The following SLAIN1 variants were observed in gnomAD, a reference collection of about 807,000 sequenced individuals.
SLAIN1 encodes SLAIN motif-containing protein 1.
A neutral mutation model predicts 55.4 loss-of-function variants in SLAIN1; 17 were observed. The ratio of observed to expected loss-of-function variants is 0.31; its 90% CI spans 0.21 to 0.46. The LOEUF is 0.46. Among genes scored for constraint, SLAIN1 ranks in the 20% least tolerant of loss-of-function variants. The pLI is 1.00. For synonymous variants in SLAIN1, 348 were observed against 337.4 expected, an observed-to-expected ratio of 1.03 and a Z score of -0.35; for missense variants, 682 against 785.1, an observed-to-expected ratio of 0.87 and a Z score of 1.57.
intron 2 of SLAIN1, among the ~76,000 whole-genome samples, chr13:77,724,623 A>G (rs1372107402): frequency 3.9e-5 from 6 of 152,190 alleles, no homozygotes; most frequent in Non-Finnish European, 7.3e-5. Context: ...ATGATGGTTA[A>G]TTGACAGATA....
intron 2 of SLAIN1, among the ~76,000 whole-genome samples, chr13:77,720,039 G>A (rs1298597237): frequency 6.6e-6 from 1 of 151,964 alleles, no homozygotes; most frequent in Non-Finnish European, 1.5e-5. Context: ...AGGATTTCAT[G>A]GGGATCTGAG....
intron 2 of SLAIN1, among the ~76,000 whole-genome samples, chr13:77,731,368 C>T (rs748006780): frequency 6.6e-6 from 1 of 152,094 alleles, no homozygotes; most frequent in Non-Finnish European, 1.5e-5. Context: ...AAACTATAAT[C>T]CTGTACCGAA....
At chr13:77,736,029 C>A (rs955969663) in intron 2 of SLAIN1, among the ~76,000 whole-genome samples, 6 of 151,908 alleles carry the variant, frequency 3.9e-5, no homozygotes, top group African/African-American at 1.2e-4. Context: ...GACATAAATA[C>A]CCTTTACAGA....
Position 77,704,367 on chromosome 13 carries a change from G to T in SLAIN1, c.626+5828G>T, listed in dbSNP as rs28973010. Among the ~76,000 whole-genome samples, 27 of 41,132 alleles carry T rather than the reference G, an allele frequency of 6.6e-4. 1 individual carries two copies. Among genetic ancestry groups the T allele is most frequent in the East Asian group, 1.4e-3 (2 of 1,452 alleles). 27.0% of individuals were successfully genotyped at this position (41,132 alleles called of 152,430 possible). A position where few individuals can be genotyped will look rare whatever the true frequency, so the allele number is the denominator to read the frequency against. ...TATATACATAGAAACTGTATATACA[G>T]AGGTTTTATATGTATATATACATAG... On this transcript the variant is annotated intron_variant, in intron 1 of 6. Transcript: ENST00000418532.
At chr13:77,762,444 G>C (rs1468918350) in intron 6 of SLAIN1, among the ~76,000 whole-genome samples, 1 of 151,910 alleles carries the variant, frequency 6.6e-6, no homozygotes, top group Non-Finnish European at 1.5e-5. Flanking sequence ...ACAGGGTCTT[G>C]CTCTTTTGCC....
intron 2 of SLAIN1, among the ~76,000 whole-genome samples, chr13:77,722,874 G>A (rs2091275000): frequency 6.6e-6 from 1 of 152,114 alleles, no homozygotes; most frequent in Non-Finnish European, 1.5e-5. Context: ...AGCCTCCTGA[G>A]TAGCTGGGAT....
At chr13:77,740,641 C>T (rs1002811086) in intron 2 of SLAIN1, among the ~76,000 whole-genome samples, 5 of 151,290 alleles carry the variant, frequency 3.3e-5, no homozygotes, top group African/African-American at 1.2e-4. Flanking sequence ...TTGCCTCACT[C>T]CTTTCTTTAG....
intron 5 of SLAIN1, among the ~76,000 whole-genome samples, chr13:77,753,996 T>C (rs923721942): frequency 6.6e-6 from 1 of 152,224 alleles, no homozygotes; most frequent in Non-Finnish European, 1.5e-5. Flanking sequence ...CTTCACTTTA[T>C]GTGGGGATGT....
At chr13:77,699,213 G>A (rs1025017009) in intron 1 of SLAIN1, 2 of 559,252 alleles carry the variant, frequency 3.6e-6, no homozygotes, top group Non-Finnish European at 6.1e-6. Flanking sequence ...TTCTTGGAGT[G>A]GAATGAACAG....
chr13:77,746,904 T>C (rs764229260), intron 4 of SLAIN1, 49 bp downstream of exon 4: 44 of 1,466,522 alleles, frequency 3.0e-5, no homozygotes, highest in South Asian at 3.0e-4. Context: ...TTTTTTTATA[T>C]GTGGTCAAGA....
At chr13:77,756,320 A>G (rs1874604585) in intron 5 of SLAIN1, among the ~76,000 whole-genome samples, 1 of 152,048 alleles carries the variant, frequency 6.6e-6, no homozygotes, top group South Asian at 2.1e-4. Flanking sequence ...TCTTAACAAT[A>G]TTAAGTCTTT....
At chr13:77,719,503 T>C in intron 1 of SLAIN1, 29 bp from the exon 2 acceptor site, 2 of 1,573,146 alleles carry the variant, frequency 1.3e-6, no homozygotes, top group Non-Finnish European at 1.7e-6. Flanking sequence ...ACCTATATCA[T>C]ACCTATAATG....
At chr13:77,763,083 G>C (rs1875177145) in intron 6 of SLAIN1, 62 bp from the exon 7 acceptor site, 2 of 1,385,926 alleles carry the variant, frequency 1.4e-6, no homozygotes, top group East Asian at 2.3e-5. Flanking sequence ...AGGTCAAAGT[G>C]AGTGATGTGA....
intron 5 of SLAIN1, among the ~76,000 whole-genome samples, chr13:77,756,654 C>T (rs192537882): frequency 7.2e-5 from 11 of 152,044 alleles, no homozygotes; most frequent in Admixed American, 3.9e-4. Flanking sequence ...TCATAAAACC[C>T]CAAATTAGAA....
chr13:77,762,012 T>A lies in SLAIN1; in HGVS notation c.1697+902T>A, dbSNP rs1875067956. On this transcript the variant is annotated intron_variant, in intron 6 of 6. Transcript: ENST00000418532. ...TTCTGTCTTTATGCATTTATGGATA[T>A]ATAAATAGTTTTATTTTGTTTTGTT... is the stretch of plus-strand genomic sequence containing the variant. 2.0e-5 allele frequency among the ~76,000 whole-genome samples: 3 copies of A among 152,348 alleles called. No homozygotes were observed. In the South Asian group the frequency reaches 6.2e-4, roughly 32 times the overall value.
At chr13:77,753,050 T>C (rs1944090364) in intron 4 of SLAIN1, among the ~76,000 whole-genome samples, 153 bp from the exon 5 acceptor site, 1 of 152,192 alleles carries the variant, frequency 6.6e-6, no homozygotes, top group African/African-American at 2.4e-5. Context: ...GAAGGGTGTT[T>C]TCCTGTACAA....
At chr13:77,702,378 C>A (rs1313357402) in intron 1 of SLAIN1, among the ~76,000 whole-genome samples, 3 of 152,094 alleles carry the variant, frequency 2.0e-5, no homozygotes, top group African/African-American at 7.2e-5. Flanking sequence ...CTCAAAGGGA[C>A]TAAAATATCC....
chr13:77,716,974 C>T (rs1287494701), intron 1 of SLAIN1, among the ~76,000 whole-genome samples: 1 of 152,106 alleles, frequency 6.6e-6, no homozygotes, highest in East Asian at 1.9e-4. Flanking sequence ...AGCCTTTTAC[C>T]ATTAACTATG....
At chr13:77,760,697 C>T (rs1368459264) in intron 5 of SLAIN1, 131 bp from the exon 6 acceptor site, 2 of 920,368 alleles carry the variant, frequency 2.2e-6, no homozygotes, top group Non-Finnish European at 3.3e-6. Context: ...TGTCTGGAAC[C>T]TATATTCTGT....
Sources: gnomAD v4.1 joint callset for allele counts (sites outside exome capture counted in the v4.1 genomes callset) on GRCh38, gnomAD v4.1.1 for gene constraint, MANE v1.5 for transcripts, NCBI Gene and HGNC (gene_info 2026-07-23, HGNC 2026-07-21) for gene names.